STOX2: variants seen among roughly 807,000 people sequenced by gnomAD.
STOX2 encodes the protein storkhead-box protein 2.
In STOX2, 28 loss-of-function variants were observed where a neutral mutation model predicts 60.9. The observed-to-expected ratio is 0.46, with a 90% CI of 0.34 to 0.63. The LOEUF (loss-of-function observed/expected upper bound fraction) is 0.63, where lower values mean the gene tolerates loss of function less well. Ranked by LOEUF, STOX2 falls within the 30% of genes least tolerant of loss-of-function variation. The pLI is 0.01. For synonymous variants in STOX2, 472 were observed against 463.9 expected, an observed-to-expected ratio of 1.02 and a Z score of -0.22; for missense variants, 1,024 against 1,187.7, an observed-to-expected ratio of 0.86 and a Z score of 2.03.
intron 1 of STOX2, among the ~76,000 whole-genome samples, chr4:183,891,361 TATATATATATATATATATA>T (rs1741209526): frequency 2.3e-3 from 3 of 1,328 alleles, no homozygotes; most frequent in Non-Finnish European, 4.9e-3. Flanking sequence ...ATGGAATTTA[TATATATATATATATATATA>T]TATATATATA....
rs531162856 is a variant in STOX2, at chr4:183,893,433, A to G, written c.364+95378A>G. 3.9e-5 allele frequency among the ~76,000 whole-genome samples: 6 copies of G among 152,302 alleles called. No individual in the cohort carries two copies. The South Asian group carries it at 1.2e-3, about 32-fold the overall frequency. Reference sequence around the variant, plus strand: ...CATCTTAGCTTGGTGGACTGGACGAAGCCGGTGGTCTCTTCAGAGACCTGT... The same window carrying G: ...CATCTTAGCTTGGTGGACTGGACGAGGCCGGTGGTCTCTTCAGAGACCTGT... On this transcript the variant is annotated intron_variant, in intron 1 of 2. Transcript: ENST00000513034.
rs551922126 is a variant in STOX2, at chr4:183,950,246, G to A, written c.166+43290G>A. Among the ~76,000 whole-genome samples, 4 of 152,338 alleles carry A rather than the reference G, an allele frequency of 2.6e-5. No homozygotes were observed. In the East Asian group the frequency reaches 7.7e-4, roughly 29 times the overall value. On this transcript the variant is annotated intron_variant, in intron 1 of 3. Transcript: ENST00000308497. ...ACATGTTCACAGACGCTTATTGTGTGCCTGGGTGTGGTCTAGGTGTGGGGG... is the reference window on the plus strand; with the variant it reads ...ACATGTTCACAGACGCTTATTGTGTACCTGGGTGTGGTCTAGGTGTGGGGG...
intron 1 of STOX2, among the ~76,000 whole-genome samples, chr4:183,968,946 C>T (rs538112945): frequency 8.8e-4 from 134 of 152,292 alleles, no homozygotes; most frequent in African/African-American, 2.8e-3. Flanking sequence ...GCTGTATAGG[C>T]GAGAATATTT....
intron 2 of STOX2, among the ~76,000 whole-genome samples, chr4:184,003,096 C>A (rs1341669656): frequency 1.3e-5 from 2 of 152,224 alleles, no homozygotes; most frequent in Non-Finnish European, 2.9e-5. Flanking sequence ...TGAGAGCCAC[C>A]TAAGTGGGGA....
intron 1 of STOX2, among the ~76,000 whole-genome samples, chr4:183,975,263 G>A (rs573767864): frequency 6.6e-6 from 1 of 152,046 alleles, no homozygotes; most frequent in African/African-American, 2.4e-5. Flanking sequence ...AGCAATCTAA[G>A]CTTCTACCTA....
rs1322936836 is a variant in STOX2 at position 183,806,189 on chromosome 4, A to G, written c.364+8134A>G. On this transcript the variant is annotated intron_variant, in intron 1 of 2. Coordinates refer to the STOX2 transcript ENST00000513034. The surrounding 1 kb of genome is among the most constrained non-coding windows in gnomAD (Gnocchi z 4.1). ...GAAAATAAACACGATTAAAGACTCCATTTTCCCAATTTATTGTGAAGGCCC... is the reference window on the plus strand; with the variant it reads ...GAAAATAAACACGATTAAAGACTCCGTTTTCCCAATTTATTGTGAAGGCCC... 2.0e-5 allele frequency among the ~76,000 whole-genome samples: 3 copies of G among 152,162 alleles called. No homozygotes were observed. The highest frequency in any genetic ancestry group is 6.5e-5 in the Admixed American group (1 of 15,272).
chr4:183,851,696 A>G (rs111216356), intron 1 of STOX2, among the ~76,000 whole-genome samples: 258 of 96,276 alleles, frequency 2.7e-3, no homozygotes, highest in Middle Eastern at 7.7e-3. Context: ...AAAGGATGAG[A>G]GAAACGATGA....
At position 183,806,524 on chromosome 4, in the gene STOX2, G is replaced by C. The variant is rs1008156977; in HGVS notation, c.364+8469G>C. On this transcript the variant is annotated intron_variant, in intron 1 of 2. Transcript: ENST00000513034. The surrounding 1 kb of genome is among the most constrained non-coding windows in gnomAD (Gnocchi z 4.1). ...GCCTTCTGTCTTCACTGTGAACCCCGGGATACTGCGGCGGTGCTGGCTGGA... is the reference window on the plus strand; with the variant it reads ...GCCTTCTGTCTTCACTGTGAACCCCCGGATACTGCGGCGGTGCTGGCTGGA... Among the ~76,000 whole-genome samples, 1 of 152,058 alleles carries C rather than the reference G, an allele frequency of 6.6e-6. No individual in the cohort carries two copies. Among genetic ancestry groups the C allele is most frequent in the Non-Finnish European group, 1.5e-5 (1 of 68,010 alleles).
chr4:183,911,124 A>T (rs1047392723), intron 1 of STOX2, among the ~76,000 whole-genome samples: 1 of 149,324 alleles, frequency 6.7e-6, no homozygotes, highest in Non-Finnish European at 1.5e-5. Flanking sequence ...GAGCAAGTGC[A>T]AGACTTCTGA....
At chr4:183,841,725 C>A (rs2111131647) in intron 1 of STOX2, among the ~76,000 whole-genome samples, 1 of 152,274 alleles carries the variant, frequency 6.6e-6, no homozygotes, top group African/African-American at 2.4e-5. Context: ...TTCCAAAATA[C>A]ATGCCAGATG....
rs1412511504 is a variant in STOX2 at position 184,020,571 on chromosome 4, C to T, written c.*3287C>T. 6.6e-6 allele frequency: 1 copy of T among 152,066 alleles called. No homozygotes were observed. Among genetic ancestry groups the T allele is most frequent in the African/African-American group, 2.4e-5 (1 of 41,360 alleles). The allele number at this position is 152,066 out of a possible 1,614,324, so 9.4% of individuals were successfully genotyped here. On this transcript the variant is annotated 3_prime_UTR_variant, in exon 4 of 4. Coordinates refer to ENST00000308497, the MANE Select transcript of STOX2 (RefSeq NM_020225.3). ...CGCATGCTACCATGTCGAGCCCAAA[C>T]TCCACTTTAATTAAAAGAGCTGTGC...
chr4:183,917,913 A>T (rs1008676883), intron 1 of STOX2, among the ~76,000 whole-genome samples: 1 of 152,260 alleles, frequency 6.6e-6, no homozygotes, highest in Admixed American at 6.5e-5. Context: ...TATATTTAAG[A>T]TGAGGATAAA....
chr4:183,918,665 AGTTTATAAAAGTAGTGAT>A (rs1248080972), intron 1 of STOX2, among the ~76,000 whole-genome samples: 1 of 152,204 alleles, frequency 6.6e-6, no homozygotes, highest in East Asian at 1.9e-4. Flanking sequence ...TCCTTCGGTG[AGTTTATAAAAGTAGTGAT>A]GGGCCCAGTG....
intron 2 of STOX2, among the ~76,000 whole-genome samples, chr4:184,004,614 A>G (rs993086479): frequency 6.6e-6 from 1 of 152,118 alleles, no homozygotes; most frequent in African/African-American, 2.4e-5. Context: ...ACAAAAACAA[A>G]AAAAAAATTC....
At chr4:183,874,480 G>C (rs1740765256) in intron 1 of STOX2, among the ~76,000 whole-genome samples, 1 of 152,202 alleles carries the variant, frequency 6.6e-6, no homozygotes, top group Non-Finnish European at 1.5e-5. Flanking sequence ...GGAAAGCTCA[G>C]AGTCTCAGGA....
rs1316980057 is a variant in STOX2 at position 183,888,805 on chromosome 4, C to T, written c.364+90750C>T. Among the ~76,000 whole-genome samples, 4 of 152,236 alleles carry T rather than the reference C, an allele frequency of 2.6e-5. No homozygotes were observed. In the East Asian group the frequency reaches 5.8e-4, roughly 22 times the overall value. ...ACCTTTTCCCCACGCCTTTCCTCCA[C>T]TTCATTCTTTTGGATGGTGCTCAAA... On this transcript the variant is annotated intron_variant, in intron 1 of 2. Coordinates refer to the STOX2 transcript ENST00000513034.
At chr4:183,891,310 CTAT>C (rs1741203851) in intron 1 of STOX2, among the ~76,000 whole-genome samples, 1 of 6,404 alleles carries the variant, frequency 1.6e-4, no homozygotes, top group Admixed American at 1.9e-3. Context: ...ATATATATAT[CTAT>C]GATGGAATAT....
intron 1 of STOX2, among the ~76,000 whole-genome samples, chr4:183,807,267 C>T (rs1354672532): frequency 3.9e-5 from 6 of 152,214 alleles, no homozygotes; most frequent in African/African-American, 4.8e-5. Flanking sequence ...CCACCGCGCC[C>T]GGCCTCTGAC....
At chr4:183,975,031 AAAAG>A (rs1386400778) in intron 1 of STOX2, among the ~76,000 whole-genome samples, 2 of 152,218 alleles carry the variant, frequency 1.3e-5, no homozygotes, top group African/African-American at 4.8e-5. Context: ...AGAAATCAAC[AAAAG>A]AAAGATAATT....
Sources: gnomAD v4.1 joint callset for allele counts (sites outside exome capture counted in the v4.1 genomes callset) on GRCh38, gnomAD v4.1.1 for gene constraint, Gnocchi (gnomAD v3.1) non-coding constraint, MANE v1.5 for transcripts, NCBI Gene and HGNC (gene_info 2026-07-23, HGNC 2026-07-21) for gene names.